DCDC2C: variants seen among roughly 807,000 people sequenced by gnomAD.
The protein encoded by DCDC2C is doublecortin domain containing 2C.
DCDC2C carries 44 observed loss-of-function variants against 45.0 expected under a neutral mutation model. That is an observed-to-expected ratio of 0.98 (90% CI 0.77 to 1.26). The LOEUF is 1.26. Among genes scored for constraint, DCDC2C ranks in the 50% most tolerant of loss-of-function variants. DCDC2C has a pLI of 0.00. For missense variants in DCDC2C, 447 were observed against 468.9 expected, an observed-to-expected ratio of 0.95 and a Z score of 0.43; for synonymous variants, 187 against 178.8, an observed-to-expected ratio of 1.05 and a Z score of -0.37.
At chr2:3,744,929 A>G (rs761642906) in intron 4 of DCDC2C, among the ~76,000 whole-genome samples, 1 of 152,228 alleles carries the variant, frequency 6.6e-6, no homozygotes, top group Non-Finnish European at 1.5e-5. Flanking sequence ...TGTGCAGTAG[A>G]TAGACCTGTG....
At chr2:3,811,915 T>A (rs1179994390) in intron 10 of DCDC2C, among the ~76,000 whole-genome samples, 1 of 152,258 alleles carries the variant, frequency 6.6e-6, no homozygotes. Flanking sequence ...CAGCCTTGCA[T>A]CGCAGGGAGG....
intron 10 of DCDC2C, among the ~76,000 whole-genome samples, chr2:3,839,720 G>C (rs561202545): frequency 6.6e-6 from 1 of 152,242 alleles, no homozygotes; most frequent in East Asian, 1.9e-4. Flanking sequence ...ACGGCTTCTC[G>C]AATTCCTCCT....
At chr2:3,768,407 T>C (rs899817579) in intron 7 of DCDC2C, among the ~76,000 whole-genome samples, 1 of 152,222 alleles carries the variant, frequency 6.6e-6, no homozygotes, top group African/African-American at 2.4e-5. Context: ...GTGAGGCACA[T>C]TCATGTCCCG....
At chr2:3,773,988 A>G (rs1371584313) in intron 8 of DCDC2C, among the ~76,000 whole-genome samples, 2 of 152,250 alleles carry the variant, frequency 1.3e-5, no homozygotes, top group Non-Finnish European at 2.9e-5. Flanking sequence ...TCAAATAGCA[A>G]CTAGGGCAGT....
chr2:3,764,083 G>A (rs918798325), intron 6 of DCDC2C, among the ~76,000 whole-genome samples: 1 of 152,178 alleles, frequency 6.6e-6, no homozygotes, highest in African/African-American at 2.4e-5. Flanking sequence ...ACCAGAGGAG[G>A]CATCGACTTC....
At chr2:3,771,305 C>T (rs1670162093) in intron 8 of DCDC2C, among the ~76,000 whole-genome samples, 2 of 152,212 alleles carry the variant, frequency 1.3e-5, no homozygotes, top group African/African-American at 2.4e-5. Flanking sequence ...AGGTGTTTCA[C>T]AAAAGCTTAT....
At chr2:3,714,293 A>C (rs899783069) in intron 2 of DCDC2C, among the ~76,000 whole-genome samples, 1 of 152,246 alleles carries the variant, frequency 6.6e-6, no homozygotes, top group Non-Finnish European at 1.5e-5. Context: ...GACAAGGACA[A>C]TTAGATTAGG....
chr2:3,733,147 G>C (rs1459042255), intron 3 of DCDC2C, among the ~76,000 whole-genome samples: 2 of 152,146 alleles, frequency 1.3e-5, no homozygotes, highest in African/African-American at 2.4e-5. Flanking sequence ...GGACATATTG[G>C]GGACATATTG....
intron 6 of DCDC2C, among the ~76,000 whole-genome samples, chr2:3,758,384 A>G (rs1669783270): frequency 6.6e-6 from 1 of 152,206 alleles, no homozygotes; most frequent in Admixed American, 6.5e-5. Flanking sequence ...TTGATTCTGT[A>G]CATGTTGAGC....
chr2:3,796,669 A>G (rs1043303125), intron 10 of DCDC2C, among the ~76,000 whole-genome samples: 1 of 134,280 alleles, frequency 7.4e-6, no homozygotes, highest in Non-Finnish European at 1.6e-5. Context: ...GCTGGATTAC[A>G]TTTATTGATT....
chr2:3,739,962 CAG>C, intron 3 of DCDC2C, among the ~76,000 whole-genome samples: 1 of 152,142 alleles, frequency 6.6e-6, no homozygotes, highest in South Asian at 2.1e-4. Flanking sequence ...GAGTTTTGAG[CAG>C]TGGGGCACTG....
At chr2:3,741,695 A>ACCCCCCCCCCCC (rs1669212785) in intron 3 of DCDC2C, among the ~76,000 whole-genome samples, 1 of 151,344 alleles carries the variant, frequency 6.6e-6, no homozygotes, top group African/African-American at 2.4e-5. Flanking sequence ...AAGCACACAT[A>ACCCCCCCCCCCC]CACACACACA....
At chr2:3,713,622 G>T (rs1251918311) in intron 2 of DCDC2C, among the ~76,000 whole-genome samples, 2 of 152,186 alleles carry the variant, frequency 1.3e-5, no homozygotes, top group Non-Finnish European at 2.9e-5. Flanking sequence ...CACACACTGG[G>T]GTTTAAGGAT....
At chr2:3,789,727 C>A (rs1008056593) in intron 10 of DCDC2C, among the ~76,000 whole-genome samples, 10 of 152,182 alleles carry the variant, frequency 6.6e-5, no homozygotes, top group Non-Finnish European at 1.0e-4. Flanking sequence ...GTACTGATTG[C>A]TCAGAATTTC....
At chr2:3,743,686 AT>A (rs1383086324) in intron 4 of DCDC2C, among the ~76,000 whole-genome samples, 13 of 152,382 alleles carry the variant, frequency 8.5e-5, no homozygotes, top group Admixed American at 4.6e-4. Context: ...AAATAAAAAA[AT>A]ATCTTGAGAG....
At chr2:3,823,613 A>G (rs1264937577) in intron 10 of DCDC2C, among the ~76,000 whole-genome samples, 4 of 152,086 alleles carry the variant, frequency 2.6e-5, no homozygotes, top group African/African-American at 9.7e-5. Flanking sequence ...TGCTCCATGT[A>G]TTTTGGGACT....
intron 6 of DCDC2C, among the ~76,000 whole-genome samples, chr2:3,757,566 G>A (rs530800863): frequency 6.6e-6 from 1 of 152,290 alleles, no homozygotes; most frequent in South Asian, 2.1e-4. Context: ...ATATCAGGCC[G>A]GAATGGGGCA....
intron 3 of DCDC2C, among the ~76,000 whole-genome samples, chr2:3,736,346 AACCCACCCCTG>A (rs1669025420): frequency 6.6e-6 from 1 of 152,186 alleles, no homozygotes; most frequent in Non-Finnish European, 1.5e-5. Context: ...ACAGGATCAA[AACCCACCCCTG>A]GTGAAGGTGG....
Position 3,757,253 on chromosome 2 carries a change from T to C in DCDC2C, c.726+2619T>C, listed in dbSNP as rs552704314. Among the ~76,000 whole-genome samples, 52 of 152,304 alleles carry C rather than the reference T, an allele frequency of 3.4e-4. 2 individuals carry two copies. The highest frequency in any genetic ancestry group is 1.8e-3 in the Admixed American group (28 of 15,302). ...CTAACTTGTTAAACCTTTTATCTAT[T>C]TTCTATGTGAATTGCCACAACATCT... is the stretch of plus-strand genomic sequence containing the variant. On this transcript the variant is annotated intron_variant, in intron 6 of 10. Transcript: ENST00000399143.
Sources: gnomAD v4.1 joint callset for allele counts (sites outside exome capture counted in the v4.1 genomes callset) on GRCh38, gnomAD v4.1.1 for gene constraint, MANE v1.5 for transcripts, NCBI Gene and HGNC (gene_info 2026-07-23, HGNC 2026-07-21) for gene names.